Variants in CDC14A observed in about 807,000 individuals in gnomAD.
The protein encoded by CDC14A is cell division cycle 14A.
In CDC14A, 53 loss-of-function variants were observed where a neutral mutation model predicts 74.4. The observed-to-expected ratio is 0.71, with a 90% CI of 0.57 to 0.89. The LOEUF (loss-of-function observed/expected upper bound fraction) is 0.89. CDC14A is among the 40% of genes least tolerant of loss of function. The pLI, the probability that CDC14A is intolerant of heterozygous loss-of-function variation, is 0.00. For missense variants in CDC14A, 646 were observed against 713.7 expected (o/e 0.91, Z 1.08); for synonymous variants, 247 against 258.4 (o/e 0.96, Z 0.43).
chr1:100,494,856 T>C lies in CDC14A; in HGVS notation c.1176T>C (p.Gly392=), dbSNP rs1325383388. The C allele has an allele frequency of 1.9e-6, 3 of 1,613,160 alleles. No homozygotes were observed. The East Asian group carries it at 6.7e-5, about 36-fold the overall frequency. ...LEDDDVEMKN[G]ITQGDKLRAL... is the part of the protein sequence containing the mutation. ...ATGATGATGTGGAAATGAAAAATGG[T>C]ATAACCCAGGGAGACAAACTACGTG... Residue 392 remains glycine, a synonymous_variant, in exon 12 of 16, where the codon GGT becomes GGC. Coordinates refer to ENST00000336454, the MANE Select transcript of CDC14A (RefSeq NM_003672.4).
chr1:100,353,777 C>T lies in CDC14A; in HGVS notation c.65C>T (p.Ala22Val). 6.3e-7 allele frequency: 1 copy of T among 1,593,476 alleles called. No individual in the cohort carries two copies. The highest frequency in any genetic ancestry group is 1.7e-4 in the Middle Eastern group (1 of 5,796). ...CEFMKDRLYF[A>V]TLRNRPKSTV... ...TGTCTTTCAGATCGGTTATATTTTG[C>T]TACTTTAAGGAATAGACCAAAAAGC... Residue 22 changes from alanine to valine, a missense_variant, in exon 2 of 16, where the codon GCT (alanine) becomes GTT (valine). Coordinates refer to ENST00000336454, the MANE Select transcript of CDC14A (RefSeq NM_003672.4).
intron 8 of CDC14A, among the ~76,000 whole-genome samples, chr1:100,459,611 A>G (rs1166607466): frequency 6.6e-6 from 1 of 152,142 alleles, no homozygotes; most frequent in African/African-American, 2.4e-5. Flanking sequence ...CTGGGAAGAG[A>G]TGAATAAAAA....
At chr1:100,388,823 TTACA>T (rs1031287921) in intron 3 of CDC14A, among the ~76,000 whole-genome samples, 7 of 152,176 alleles carry the variant, frequency 4.6e-5, no homozygotes, top group Non-Finnish European at 1.5e-5. Context: ...AGTGTTGGAA[TTACA>T]GGCATGAGCC....
chr1:100,491,654 C>G (rs1256063989), intron 11 of CDC14A, among the ~76,000 whole-genome samples: 2 of 140,272 alleles, frequency 1.4e-5, no homozygotes, highest in South Asian at 2.3e-4. Context: ...TCACTGCAAC[C>G]TCTGCCTCCC....
intron 3 of CDC14A, among the ~76,000 whole-genome samples, chr1:100,385,995 C>T (rs1260842035): frequency 6.6e-6 from 1 of 151,802 alleles, no homozygotes; most frequent in Non-Finnish European, 1.5e-5. Context: ...GGTGAAACCC[C>T]ATCTCTACTA....
In CDC14A at chr1:100,352,557, G is replaced by A; in HGVS notation, c.-398G>A. ...TGAAGTCCTCCCGGCTGCCGCTCGA[G>A]TAGCCACGGGCGCGATCGGGACCAG... On this transcript the variant is annotated 5_prime_UTR_variant, in exon 1 of 16. Coordinates refer to ENST00000336454, the MANE Select transcript of CDC14A (RefSeq NM_003672.4). 1 of 1,042,490 alleles carries A rather than the reference G, an allele frequency of 9.6e-7. No homozygotes were observed. The highest frequency in any genetic ancestry group is 1.2e-6 in the Non-Finnish European group (1 of 867,054). The allele number at this position is 1,042,490 out of a possible 1,614,324, so 64.6% of individuals were successfully genotyped here.
At chr1:100,436,250 G>C (rs1365917588) in intron 5 of CDC14A, among the ~76,000 whole-genome samples, 1 of 152,164 alleles carries the variant, frequency 6.6e-6, no homozygotes, top group African/African-American at 2.4e-5. Flanking sequence ...TTGGTGAGTT[G>C]AGGAAAATCA....
intron 5 of CDC14A, among the ~76,000 whole-genome samples, 176 bp downstream of exon 5, chr1:100,424,477 G>A (rs1429693354): frequency 1.3e-5 from 2 of 152,178 alleles, no homozygotes; most frequent in Non-Finnish European, 2.9e-5. Flanking sequence ...TAGCTAGCAA[G>A]AATAAAAGAG....
At chr1:100,424,600 T>C (rs1259334410) in intron 5 of CDC14A, among the ~76,000 whole-genome samples, 1 of 152,234 alleles carries the variant, frequency 6.6e-6, no homozygotes, top group Non-Finnish European at 1.5e-5. Flanking sequence ...TCAAGATTTG[T>C]TGGATTTCAG....
At chr1:100,420,051 C>CATATATATAT (rs1430165704) in intron 4 of CDC14A, among the ~76,000 whole-genome samples, 22 of 14,812 alleles carry the variant, frequency 1.5e-3, no homozygotes, top group African/African-American at 4.5e-3. Context: ...CACACACACA[C>CATATATATAT]ACACACACAC....
At chr1:100,422,393 T>A (rs968661192) in intron 4 of CDC14A, among the ~76,000 whole-genome samples, 2 of 152,214 alleles carry the variant, frequency 1.3e-5, no homozygotes, top group African/African-American at 4.8e-5. Context: ...ACACAGAAGC[T>A]TTCTACAAGC....
At chr1:100,471,028 T>C (rs1390959475) in intron 10 of CDC14A, among the ~76,000 whole-genome samples, 1 of 152,120 alleles carries the variant, frequency 6.6e-6, no homozygotes, top group Non-Finnish European at 1.5e-5. Context: ...ATCATCCAAA[T>C]GTCCGTCAAC....
At chr1:100,381,169 T>C (rs147152829) in intron 3 of CDC14A, among the ~76,000 whole-genome samples, 7 of 152,352 alleles carry the variant, frequency 4.6e-5, no homozygotes, top group Non-Finnish European at 8.8e-5. Flanking sequence ...GACTTTGTCA[T>C]GATCCCCTTC....
Position 100,439,974 on chromosome 1 carries a change from C to T in CDC14A, c.432C>T (p.Leu144=), listed in dbSNP as rs956175444. 43 of 1,613,172 alleles carry T rather than the reference C, an allele frequency of 2.7e-5. No individual in the cohort carries two copies. The highest frequency in any genetic ancestry group is 1.7e-4 in the Middle Eastern group (1 of 6,046). Residue 144 remains leucine (L), a synonymous_variant, in exon 6 of 16, where the codon CTC becomes CTT. Transcript: ENST00000336454. ...ATTGCACTTACAATCTCACCATTCTCGACTGTTTGCAGGGAATCAGAAAGG... is the reference window on the plus strand; with the variant it reads ...ATTGCACTTACAATCTCACCATTCTTGACTGTTTGCAGGGAATCAGAAAGG... ...FGNCTYNLTI[L]DCLQGIRKGL...
chr1:100,397,455 G>A (rs1404862773), intron 4 of CDC14A, among the ~76,000 whole-genome samples: 1 of 152,086 alleles, frequency 6.6e-6, no homozygotes, highest in Non-Finnish European at 1.5e-5. Flanking sequence ...TGAAAAAGAT[G>A]GCTTTTTAAA....
chr1:100,447,731 T>C (rs1665713076), intron 7 of CDC14A, among the ~76,000 whole-genome samples: 1 of 152,120 alleles, frequency 6.6e-6, no homozygotes, highest in South Asian at 2.1e-4. Flanking sequence ...AGTAGTAAAG[T>C]TAGTGGTGAA....
At chr1:100,416,099 A>G (rs1176027858) in intron 4 of CDC14A, among the ~76,000 whole-genome samples, 1 of 152,166 alleles carries the variant, frequency 6.6e-6, no homozygotes, top group Non-Finnish European at 1.5e-5. Context: ...CAAGGAAGAG[A>G]CTTTAAAAGT....
At chr1:100,491,020 G>A (rs1232577807) in intron 11 of CDC14A, among the ~76,000 whole-genome samples, 4 of 152,178 alleles carry the variant, frequency 2.6e-5, no homozygotes, top group Admixed American at 2.6e-4. Context: ...CTATGAATTT[G>A]TCTTAAGGCA....
At chr1:100,461,193 A>T (rs554295260) in intron 8 of CDC14A, among the ~76,000 whole-genome samples, 1 of 152,346 alleles carries the variant, frequency 6.6e-6, no homozygotes, top group African/African-American at 2.4e-5. Context: ...TGATGCTGCC[A>T]GGAGGACAGG....
Sources: allele counts gnomAD v4.1 joint callset (sites outside exome capture counted in the v4.1 genomes callset), GRCh38; gene constraint gnomAD v4.1.1; transcripts MANE v1.5; gene names NCBI Gene and HGNC (gene_info 2026-07-23, HGNC 2026-07-21).